The following TMEM196 variants were observed in gnomAD, a reference collection of about 807,000 sequenced individuals.
TMEM196 encodes the protein transmembrane protein 196.
Under a neutral mutation model 20.0 loss-of-function variants are expected in TMEM196, and 17 were observed. That is an observed-to-expected ratio of 0.85 (90% CI 0.58 to 1.27). The LOEUF (loss-of-function observed/expected upper bound fraction) is 1.27. TMEM196 is among the 50% of genes most tolerant of loss of function. The pLI, the probability that TMEM196 is intolerant of heterozygous loss-of-function variation, is 0.00. For missense variants in TMEM196, 267 were observed against 223.0 expected, an observed-to-expected ratio of 1.20 and a Z score of -1.26; for synonymous variants, 113 against 88.9, an observed-to-expected ratio of 1.27 and a Z score of -1.52.
intron 1 of TMEM196, among the ~76,000 whole-genome samples, chr7:19,767,162 C>T (rs1379247810): frequency 6.6e-6 from 1 of 152,082 alleles, no homozygotes; most frequent in Non-Finnish European, 1.5e-5. Flanking sequence ...TACATGTGAA[C>T]AGAATCTAGA....
chr7:19,756,093 A>AG (rs1487015732), intron 1 of TMEM196, among the ~76,000 whole-genome samples: 3 of 152,044 alleles, frequency 2.0e-5, no homozygotes, highest in Admixed American at 2.0e-4. Flanking sequence ...TGATCAAAAA[A>AG]AAAAATGTAT....
chr7:19,772,474 C>T, intron 1 of TMEM196, 76 bp downstream of exon 1: 2 of 1,383,238 alleles, frequency 1.4e-6, no homozygotes, highest in South Asian at 1.7e-5. Context: ...GTGACTAATG[C>T]GCGCACCCTG....
Position 19,772,608 on chromosome 7 carries a change from G to T in TMEM196, c.89C>A (p.Ala30Glu). ...TCGGAGGGCCAGGCTGAAGCTGACCGCCCCCACGGCCACGCTGGACACCCC... is the reference window on the plus strand; with the variant it reads ...TCGGAGGGCCAGGCTGAAGCTGACCTCCCCCACGGCCACGCTGGACACCCC... ...GLGVSSVAVGAVSFSLALREH... is the reference protein window; with the variant it reads ...GLGVSSVAVGEVSFSLALREH... The change falls in exon 1 of 5, where the codon GCG (alanine) becomes GAG (glutamate). Residue 30 changes from alanine (A) to glutamate (E), a missense_variant. Coordinates refer to ENST00000405844, the MANE Select transcript of TMEM196 (RefSeq NM_001363562.2). 1 of 1,546,356 alleles carries T rather than the reference G, an allele frequency of 6.5e-7. No individual in the cohort carries two copies.
At chr7:19,760,352 C>CTTTTT (rs55646735) in intron 1 of TMEM196, among the ~76,000 whole-genome samples, 2 of 92,178 alleles carry the variant, frequency 2.2e-5, no homozygotes, top group Non-Finnish European at 4.2e-5. Context: ...ATATATTTTC[C>CTTTTT]TTTTTTTTTT....
chr7:19,742,370 C>T (rs1201843658), intron 1 of TMEM196, among the ~76,000 whole-genome samples: 2 of 152,012 alleles, frequency 1.3e-5, no homozygotes, highest in African/African-American at 2.4e-5. Flanking sequence ...TTGTCCTTTC[C>T]GAGGAAAAAG....
chr7:19,738,838 C>A (rs921921645), intron 1 of TMEM196, among the ~76,000 whole-genome samples: 1 of 152,078 alleles, frequency 6.6e-6, no homozygotes, highest in Admixed American at 6.6e-5. Context: ...TTTCAAATAA[C>A]TTATGTAGAT....
At chr7:19,736,380 T>G (rs1190858427) in intron 1 of TMEM196, among the ~76,000 whole-genome samples, 1 of 54,012 alleles carries the variant, frequency 1.9e-5, no homozygotes, top group Non-Finnish European at 3.2e-5. Context: ...TATATATATA[T>G]ATATATATAT....
Position 19,721,977 on chromosome 7 carries a change from G to T in TMEM196, c.*151C>A. 1.0e-6 allele frequency: 1 copy of T among 1,003,864 alleles called. No homozygotes were observed. The highest frequency in any genetic ancestry group is 1.5e-6 in the Non-Finnish European group (1 of 658,008). The allele number at this position is 1,003,864 out of a possible 1,614,324, so 62.2% of individuals were successfully genotyped here. On this transcript the variant is annotated 3_prime_UTR_variant, in exon 5 of 5. Transcript: ENST00000405844. ...ATAATTTTAGTGGATGCTCAGGAGA[G>T]ATAAATGCAAATGCAAAAACTGTTT...
At chr7:19,744,537 A>G (rs1201913385) in intron 1 of TMEM196, among the ~76,000 whole-genome samples, 4 of 151,992 alleles carry the variant, frequency 2.6e-5, no homozygotes, top group Non-Finnish European at 4.4e-5. Flanking sequence ...ATTTGGGAGC[A>G]TAAAAAACAT....
intron 1 of TMEM196, among the ~76,000 whole-genome samples, chr7:19,769,709 A>T (rs1562632257): frequency 2.0e-5 from 3 of 151,942 alleles, no homozygotes; most frequent in African/African-American, 7.3e-5. Context: ...GGGAAAAAAA[A>T]CAATACAACA....
At chr7:19,738,078 A>G (rs1784468241) in intron 1 of TMEM196, among the ~76,000 whole-genome samples, 2 of 152,018 alleles carry the variant, frequency 1.3e-5, no homozygotes, top group African/African-American at 2.4e-5. Flanking sequence ...AAATAAGTGG[A>G]ATCTGTAAAA....
At position 19,725,648 on chromosome 7, in the gene TMEM196, A is replaced by C; in HGVS notation, c.325T>G (p.Ser109Ala). 1 of 1,614,146 alleles carries C rather than the reference A, an allele frequency of 6.2e-7. No individual in the cohort carries two copies. Among genetic ancestry groups the C allele is most frequent in the Middle Eastern group, 1.6e-4 (1 of 6,062 alleles). Reference protein sequence around the residue: ...SLYPLHLASMSLACIGIGGCT... With the variant: ...SLYPLHLASMALACIGIGGCT... ...CCCCCGATCCCAATGCACGCGAGAG[A>C]CATGGAGGCAAGGTGCAGTGGGTAT... Residue 109 changes from serine to alanine, a missense_variant, in exon 3 of 5, where the codon TCT becomes GCT. Physicochemically the swap from Ser to Ala is moderately conservative, Grantham distance 99. Coordinates refer to ENST00000405844, the MANE Select transcript of TMEM196 (RefSeq NM_001363562.2).
At chr7:19,745,507 A>G (rs969051812) in intron 1 of TMEM196, among the ~76,000 whole-genome samples, 6 of 151,846 alleles carry the variant, frequency 4.0e-5, no homozygotes, top group African/African-American at 1.2e-4. Flanking sequence ...CACAATCACT[A>G]TCACACTTAG....
At chr7:19,737,643 A>G (rs1046745429) in intron 1 of TMEM196, among the ~76,000 whole-genome samples, 1 of 151,984 alleles carries the variant, frequency 6.6e-6, no homozygotes, top group African/African-American at 2.4e-5. Context: ...ATTTCTATAT[A>G]AAAAAGGCTG....
intron 1 of TMEM196, among the ~76,000 whole-genome samples, chr7:19,752,482 G>A (rs939800320): frequency 6.6e-6 from 1 of 152,088 alleles, no homozygotes; most frequent in Non-Finnish European, 1.5e-5. Flanking sequence ...AAGGGCTTTT[G>A]AGCGAGTCCC....
intron 1 of TMEM196, among the ~76,000 whole-genome samples, chr7:19,740,343 TG>T (rs1784543449): frequency 6.6e-6 from 1 of 152,152 alleles, no homozygotes; most frequent in Admixed American, 6.5e-5. Context: ...AAAGTAACTC[TG>T]GAAAAACAAG....
At chr7:19,742,239 C>G (rs909221971) in intron 1 of TMEM196, among the ~76,000 whole-genome samples, 8 of 152,096 alleles carry the variant, frequency 5.3e-5, no homozygotes, top group Non-Finnish European at 1.2e-4. Flanking sequence ...AGGTACTATA[C>G]TTTTCATGCC....
At chr7:19,734,255 GA>G (rs541573569) in intron 1 of TMEM196, among the ~76,000 whole-genome samples, 4 of 151,794 alleles carry the variant, frequency 2.6e-5, no homozygotes, top group African/African-American at 7.2e-5. Context: ...ACAAAATACT[GA>G]AAAAAAATGA....
chr7:19,761,535 G>T (rs922294354), intron 1 of TMEM196, among the ~76,000 whole-genome samples: 1 of 152,100 alleles, frequency 6.6e-6, no homozygotes, highest in Non-Finnish European at 1.5e-5. Context: ...TATGTGATAA[G>T]GTGTTCCTCC....
Sources: gnomAD v4.1 joint callset for allele counts (sites outside exome capture counted in the v4.1 genomes callset) on GRCh38, gnomAD v4.1.1 for gene constraint, MANE v1.5 for transcripts, NCBI Gene and HGNC (gene_info 2026-07-23, HGNC 2026-07-21) for gene names.